The following RBP7 variants were observed in gnomAD, a reference collection of about 807,000 sequenced individuals.
RBP7 encodes retinol binding protein 7.
A neutral mutation model predicts 16.7 loss-of-function variants in RBP7; 13 were observed. The observed-to-expected ratio is 0.78, with a 90% CI of 0.51 to 1.24. The LOEUF (loss-of-function observed/expected upper bound fraction) is 1.24, where lower values mean the gene tolerates loss of function less well. RBP7 is among the 50% of genes most tolerant of loss of function. The pLI is 0.00. For synonymous variants in RBP7, 54 were observed against 56.2 expected, an observed-to-expected ratio of 0.96 and a Z score of 0.17; for missense variants, 145 against 159.5, an observed-to-expected ratio of 0.91 and a Z score of 0.49.
In RBP7 at chr1:10,010,120, T is replaced by A. The variant is rs183728288; in HGVS notation, c.354+1846T>A. The stretch of plus-strand genomic sequence containing the variant: ...ACTATTATTTTACAGCCTGTTTTGT[T>A]TTGTTTTGTTTTTGAGATGGAGTCT... On this transcript the variant is annotated intron_variant, in intron 3 of 3. Coordinates refer to ENST00000294435, the MANE Select transcript of RBP7 (RefSeq NM_052960.3). 9.2e-5 allele frequency among the ~76,000 whole-genome samples: 14 copies of A among 152,180 alleles called. 1 individual carries two copies. The East Asian group carries it at 2.1e-3, about 23-fold the overall frequency.
rs946910672 is a variant in RBP7, at chr1:9,998,000, G to C, written c.73+669G>C. Among the ~76,000 whole-genome samples, 2 of 152,140 alleles carry C rather than the reference G, an allele frequency of 1.3e-5. No homozygotes were observed. The highest frequency in any genetic ancestry group is 2.9e-5 in the Non-Finnish European group (2 of 68,016). ...GGGTGCCCGCGGCGTTCTTGCTCCC[G>C]GGGGCCCCGCGCTGTGCTTCCCGCC... On this transcript the variant is annotated intron_variant, in intron 1 of 3. Transcript: ENST00000294435. The surrounding 1 kb of genome is among the most constrained non-coding windows in gnomAD (Gnocchi z 5.9).
rs1019332990 is a variant in RBP7 at position 9,997,436 on chromosome 1, C to T, written c.73+105C>T. On this transcript the variant is annotated intron_variant, in intron 1 of 3. Transcript: ENST00000294435. This position sits in a 1 kb window ranked among gnomAD's most constrained non-coding sequence, Gnocchi z 5.9. ...GTAGGTACGTCCTCTGTCCGTGCCT[C>T]CGCCCTGCTGCGCCCACCGTCGCCC... 1.4e-5 allele frequency: 16 copies of T among 1,107,212 alleles called. 1 individual carries two copies. The South Asian group carries it at 2.2e-4, about 15-fold the overall frequency. The allele number at this position is 1,107,212 out of a possible 1,614,324, so 68.6% of individuals were successfully genotyped here.
At chr1:10,000,459 G>A (rs973691409) in intron 1 of RBP7, among the ~76,000 whole-genome samples, 9 of 149,398 alleles carry the variant, frequency 6.0e-5, no homozygotes, top group South Asian at 2.2e-4. Context: ...GCTTGAACCT[G>A]AGAGGTGGAG....
At chr1:10,008,449 T>TG (rs1488560409) in intron 3 of RBP7, among the ~76,000 whole-genome samples, 175 bp downstream of exon 3, 2 of 150,134 alleles carry the variant, frequency 1.3e-5, no homozygotes, top group Non-Finnish European at 3.0e-5. Flanking sequence ...TACTATTTTT[T>TG]TTTTTTTTTT....
intron 3 of RBP7, among the ~76,000 whole-genome samples, chr1:10,013,566 T>C (rs1642687491): frequency 6.6e-6 from 1 of 152,020 alleles, no homozygotes; most frequent in Non-Finnish European, 1.5e-5. Flanking sequence ...CCCAGAATTT[T>C]GGAAGGTCGG....
At chr1:10,015,453 A>G (rs1227214266) in intron 3 of RBP7, among the ~76,000 whole-genome samples, 3 of 151,370 alleles carry the variant, frequency 2.0e-5, no homozygotes, top group Non-Finnish European at 4.4e-5. Flanking sequence ...CATCTCAAAA[A>G]AAAAAAAAAA....
Position 10,010,741 on chromosome 1 carries a change from C to T in RBP7, c.354+2467C>T, listed in dbSNP as rs757778741. On this transcript the variant is annotated intron_variant, in intron 3 of 3. Transcript: ENST00000294435. ...CTGGAATTACAGGCATGCACCACCA[C>T]GCCTGGCTAATTTTGTATTTTCAGT... 5.9e-5 allele frequency among the ~76,000 whole-genome samples: 9 copies of T among 152,142 alleles called. No individual in the cohort carries two copies. In the South Asian group the frequency reaches 6.2e-4, roughly 11 times the overall value.
chr1:10,007,572 AT>A lies in RBP7; in HGVS notation c.78del (p.Ile26MetfsTer8). 3.1e-6 allele frequency: 5 copies of A among 1,595,692 alleles called. No homozygotes were observed. Among genetic ancestry groups the A allele is most frequent in the Non-Finnish European group, 4.3e-6 (5 of 1,172,084 alleles). On this transcript the variant is annotated frameshift_variant, in exon 2 of 4. Transcript: ENST00000294435. LOFTEE classifies it high-confidence loss of function. ...NFEGYMLALG[I>X]DFATRKIAKL... ...TATTTTTAAAAATTATTTTTAAGGT[AT>A]TGACTTTGCCACTCGTAAAATAGCC...
chr1:10,003,054 AC>A (rs1400589241), intron 1 of RBP7, among the ~76,000 whole-genome samples: 6 of 152,254 alleles, frequency 3.9e-5, no homozygotes, highest in African/African-American at 1.4e-4. Context: ...CCATGGCAAC[AC>A]CTGGAGTTAG....
chr1:10,009,147 C>T (rs1178217824), intron 3 of RBP7, among the ~76,000 whole-genome samples: 1 of 152,148 alleles, frequency 6.6e-6, no homozygotes, highest in Admixed American at 6.6e-5. Flanking sequence ...CGAGGTGGCT[C>T]ACGCCTGTAA....
chr1:10,008,197 A>G lies in RBP7; in HGVS notation c.277A>G (p.Arg93Gly). The G allele has an allele frequency of 6.2e-7, 1 of 1,612,648 alleles. No individual in the cohort carries two copies. The highest frequency in any genetic ancestry group is 1.7e-4 in the Middle Eastern group (1 of 6,060). ...GAGTTTGGTTATCTGGGACAATGAC[A>G]GGCTCACCTGTATCCAGAAGGGAGA... Reference protein sequence around the residue: ...CKSLVIWDNDRLTCIQKGEKK... With the variant: ...CKSLVIWDNDGLTCIQKGEKK... Residue 93 changes from arginine (R) to glycine (G), a missense_variant, in exon 3 of 4, where the codon AGG becomes GGG. Coordinates refer to ENST00000294435, the MANE Select transcript of RBP7 (RefSeq NM_052960.3).
At chr1:10,004,466 C>G (rs1022906452) in intron 1 of RBP7, among the ~76,000 whole-genome samples, 12 of 151,816 alleles carry the variant, frequency 7.9e-5, no homozygotes, top group Admixed American at 6.6e-4. Flanking sequence ...ACCTCTGCCT[C>G]CCAGGTTCAA....
In RBP7 at chr1:10,015,636, C is replaced by T. The variant is rs1180700444; in HGVS notation, c.355-146C>T. The T allele has an allele frequency of 4.6e-6, 3 of 647,648 alleles. No individual in the cohort carries two copies. The South Asian group carries it at 5.4e-5, about 12-fold the overall frequency. 40.1% of individuals were successfully genotyped at this position (647,648 alleles called of 1,614,324 possible). On this transcript the variant is annotated intron_variant, in intron 3 of 3. Transcript: ENST00000294435. ...CCGAGATCTCACCACTGTACTTAGCCAGGACGACAGAGTGAGACCCCATCT... is the reference window on the plus strand; with the variant it reads ...CCGAGATCTCACCACTGTACTTAGCTAGGACGACAGAGTGAGACCCCATCT...
chr1:10,006,493 G>A (rs1642443558), intron 1 of RBP7, among the ~76,000 whole-genome samples: 1 of 152,016 alleles, frequency 6.6e-6, no homozygotes, highest in African/African-American at 2.4e-5. Context: ...CTGGGTGACA[G>A]AATGAGATCC....
At chr1:10,014,794 G>T (rs577235608) in intron 3 of RBP7, among the ~76,000 whole-genome samples, 1 of 152,282 alleles carries the variant, frequency 6.6e-6, no homozygotes, top group South Asian at 2.1e-4. Flanking sequence ...AGGAGGGGTT[G>T]TGGGAAAACC....
chr1:9,998,433 A>G (rs1472164483), intron 1 of RBP7, among the ~76,000 whole-genome samples: 5 of 80,596 alleles, frequency 6.2e-5, no homozygotes, highest in Admixed American at 1.7e-4. Context: ...TTTGAGACGG[A>G]GTCTCGCTCT....
chr1:10,013,411 G>A (rs1642683355), intron 3 of RBP7, among the ~76,000 whole-genome samples: 1 of 152,048 alleles, frequency 6.6e-6, no homozygotes, highest in East Asian at 1.9e-4. Flanking sequence ...GCTGGGTGTG[G>A]TGGTTCACTT....
chr1:10,009,524 T>A lies in RBP7; in HGVS notation c.354+1250T>A, dbSNP rs553437797. ...CAAGCTGAAAAGTTAATGTCTTATT[T>A]TTTTTTTTTTTTTGAGATGGAGTCT... is the stretch of plus-strand genomic sequence containing the variant. On this transcript the variant is annotated intron_variant, in intron 3 of 3. Transcript: ENST00000294435. Among the ~76,000 whole-genome samples the A allele has an allele frequency of 5.3e-4, 79 of 149,934 alleles. 1 individual carries two copies. Among genetic ancestry groups the A allele is most frequent in the African/African-American group, 1.1e-3 (43 of 40,940 alleles).
Position 10,015,774 on chromosome 1 carries a change from C to T in RBP7, c.355-8C>T, listed in dbSNP as rs115567684. 60 of 1,613,300 alleles carry T rather than the reference C, an allele frequency of 3.7e-5. No individual in the cohort carries two copies. In the African/African-American group the frequency reaches 4.9e-4, roughly 13 times the overall value. ...ATCCTTCTTTTTCCCTTCCTCCTTA[C>T]GCCCTAGGAAATGTTCTGTGAAGGT... On this transcript the variant is annotated splice_region_variant and splice_polypyrimidine_tract_variant and intron_variant, in intron 3 of 3. Coordinates refer to ENST00000294435, the MANE Select transcript of RBP7 (RefSeq NM_052960.3).
Sources: gnomAD v4.1 joint callset for allele counts (sites outside exome capture counted in the v4.1 genomes callset) on GRCh38, gnomAD v4.1.1 for gene constraint, Gnocchi (gnomAD v3.1) non-coding constraint, MANE v1.5 for transcripts, NCBI Gene and HGNC (gene_info 2026-07-23, HGNC 2026-07-21) for gene names.